The following CYTH1 variants were observed in gnomAD, a reference collection of about 807,000 sequenced individuals.
CYTH1 encodes the protein cytohesin 1.
A neutral mutation model predicts 61.8 loss-of-function variants in CYTH1; 18 were observed. The ratio of observed to expected loss-of-function variants is 0.29; its 90% CI spans 0.20 to 0.43. CYTH1 has a LOEUF of 0.43. CYTH1 is among the 20% of genes least tolerant of loss of function. The pLI, the probability that CYTH1 is intolerant of heterozygous loss-of-function variation, is 1.00. For synonymous variants in CYTH1, 174 were observed against 184.3 expected (o/e 0.94, Z 0.45); for missense variants, 336 against 510.5 (o/e 0.66, Z 3.29).
In CYTH1 at chr17:78,755,875, C is replaced by T. The variant is rs891859917; in HGVS notation, c.22+26327G>A. On this transcript the variant is annotated intron_variant, in intron 1 of 13. Transcript: ENST00000446868. ...GCAGTGAGCTGTGTTCATGCCACCA[C>T]ACTCCAGCCTGGGAGAAAGAGCAAG... Among the ~76,000 whole-genome samples the T allele has an allele frequency of 5.3e-5, 8 of 150,990 alleles. No homozygotes were observed. The South Asian group carries it at 8.4e-4, about 16-fold the overall frequency.
intron 1 of CYTH1, among the ~76,000 whole-genome samples, chr17:78,710,511 T>TC (rs1240520727): frequency 6.6e-6 from 1 of 152,168 alleles, no homozygotes; most frequent in African/African-American, 2.4e-5. Flanking sequence ...AAATGACCCT[T>TC]CAAGCATGCT....
At chr17:78,680,501 C>T (rs2144009718) in intron 12 of CYTH1, among the ~76,000 whole-genome samples, 157 bp from the exon 13 acceptor site, 1 of 152,322 alleles carries the variant, frequency 6.6e-6, no homozygotes, top group East Asian at 1.9e-4. Flanking sequence ...AAGCGGAATT[C>T]TAGAGACTGT....
chr17:78,705,843 G>A (rs2093059641), intron 3 of CYTH1, among the ~76,000 whole-genome samples: 1 of 152,164 alleles, frequency 6.6e-6, no homozygotes, highest in African/African-American at 2.4e-5. Flanking sequence ...CACTGGCTGA[G>A]TACTTTGGAT....
At chr17:78,699,074 A>C in intron 7 of CYTH1, 106 bp from the exon 8 acceptor site, 1 of 1,415,766 alleles carries the variant, frequency 7.1e-7, no homozygotes, top group Non-Finnish European at 9.6e-7. Context: ...GGAATAAAAA[A>C]CCATGTTCTC....
chr17:78,681,264 A>G (rs553099293), intron 11 of CYTH1, among the ~76,000 whole-genome samples: 1 of 152,316 alleles, frequency 6.6e-6, no homozygotes, highest in East Asian at 1.9e-4. Flanking sequence ...GAAAGACCAG[A>G]AGATTCAACA....
intron 7 of CYTH1, 67 bp from the exon 8 acceptor site, chr17:78,699,035 A>C: frequency 3.2e-6 from 5 of 1,554,814 alleles, no homozygotes; most frequent in Non-Finnish European, 4.4e-6. Flanking sequence ...TCCCACCCGC[A>C]AGAGCAAGAG....
chr17:78,733,132 G>C (rs56900684), intron 1 of CYTH1, among the ~76,000 whole-genome samples: 2 of 142,988 alleles, frequency 1.4e-5, no homozygotes, highest in Non-Finnish European at 3.0e-5. Flanking sequence ...TTCACGTCAA[G>C]GACAGCATTT....
Position 78,681,055 on chromosome 17 carries a change from TGAA to T in CYTH1, c.892-16_892-14del. The T allele has an allele frequency of 6.2e-7, 1 of 1,611,592 alleles. No individual in the cohort carries two copies. Among genetic ancestry groups the T allele is most frequent in the Non-Finnish European group, 8.5e-7 (1 of 1,179,236 alleles). On this transcript the variant is annotated splice_polypyrimidine_tract_variant and intron_variant, in intron 11 of 13. Transcript: ENST00000446868. The stretch of plus-strand genomic sequence containing the variant: ...GGGGCTCCTTATCCTACAGAACAGT[TGAA>T]GAGAGGAAGTTTAAGATCACAGTTT...
intron 2 of CYTH1, chr17:78,709,327 G>T: frequency 3.9e-6 from 1 of 258,476 alleles, no homozygotes. Context: ...CATTCTCATT[G>T]CCTCTCCTCA....
chr17:78,776,574 G>A (rs1395444690), intron 1 of CYTH1, among the ~76,000 whole-genome samples: 1 of 150,042 alleles, frequency 6.7e-6, no homozygotes, highest in Non-Finnish European at 1.5e-5. Context: ...CACGAGAATC[G>A]CTTGAACCCG....
intron 1 of CYTH1, among the ~76,000 whole-genome samples, chr17:78,737,727 T>C (rs1457363727): frequency 6.6e-6 from 1 of 152,008 alleles, no homozygotes; most frequent in Non-Finnish European, 1.5e-5. Flanking sequence ...TCATGACACA[T>C]ATTCATTGTT....
At chr17:78,684,971 C>A (rs1017789107) in intron 11 of CYTH1, among the ~76,000 whole-genome samples, 2 of 152,168 alleles carry the variant, frequency 1.3e-5, no homozygotes, top group South Asian at 2.1e-4. Context: ...GAGGCTGAGG[C>A]GGGCAGATCA....
chr17:78,681,773 GC>G (rs2092765643), intron 11 of CYTH1, among the ~76,000 whole-genome samples: 2 of 150,962 alleles, frequency 1.3e-5, no homozygotes, highest in South Asian at 4.2e-4. Context: ...AGGAGACGGA[GC>G]CTGCAGTGGG....
At chr17:78,681,837 C>CA (rs35074589) in intron 11 of CYTH1, among the ~76,000 whole-genome samples, 2,276 of 72,308 alleles carry the variant, frequency 0.031, 72 homozygotes, top group African/African-American at 0.085. Context: ...GACTCTGTCT[C>CA]AAAAAAAAAA....
At chr17:78,770,392 C>T (rs1286411531) in intron 1 of CYTH1, among the ~76,000 whole-genome samples, 1 of 146,536 alleles carries the variant, frequency 6.8e-6, no homozygotes, top group Non-Finnish European at 1.5e-5. Flanking sequence ...GATATTACTA[C>T]AAAATAGGCG....
intron 1 of CYTH1, among the ~76,000 whole-genome samples, chr17:78,756,876 G>A (rs546857616): frequency 1.3e-5 from 2 of 151,590 alleles, no homozygotes; most frequent in East Asian, 3.9e-4. Context: ...ATGCTGAGAG[G>A]TTAGGAACAC....
chr17:78,755,081 C>A (rs2093395218), intron 1 of CYTH1, among the ~76,000 whole-genome samples: 1 of 152,010 alleles, frequency 6.6e-6, no homozygotes, highest in South Asian at 2.1e-4. Flanking sequence ...GGTGAAGAGA[C>A]CAAAAACGTG....
At chr17:78,748,044 T>G (rs535579972) in intron 1 of CYTH1, among the ~76,000 whole-genome samples, 1 of 152,154 alleles carries the variant, frequency 6.6e-6, no homozygotes, top group Admixed American at 6.6e-5. Flanking sequence ...AAAATAAATT[T>G]CACAATATTT....
chr17:78,731,986 G>A (rs749725284), intron 1 of CYTH1, among the ~76,000 whole-genome samples: 4 of 152,152 alleles, frequency 2.6e-5, no homozygotes, highest in Admixed American at 6.5e-5. Context: ...CTGTCAGCCT[G>A]CAGCCACACA....
Sources: allele counts gnomAD v4.1 joint callset (sites outside exome capture counted in the v4.1 genomes callset), GRCh38; gene constraint gnomAD v4.1.1; transcripts MANE v1.5; gene names NCBI Gene and HGNC (gene_info 2026-07-23, HGNC 2026-07-21).